COL20A1: variants seen among roughly 807,000 people sequenced by gnomAD.
COL20A1 encodes the protein collagen type XX alpha 1 chain, also known as collagen alpha-1(XX) chain.
In COL20A1, 164 loss-of-function variants were observed where a neutral mutation model predicts 152.9. That is an observed-to-expected ratio of 1.07 (90% CI 0.94 to 1.22). The LOEUF (loss-of-function observed/expected upper bound fraction) is 1.22, where lower values mean the gene tolerates loss of function less well. COL20A1 is among the 50% of genes most tolerant of loss of function. The pLI, the probability that COL20A1 is intolerant of heterozygous loss-of-function variation, is 0.00. For synonymous variants in COL20A1, 864 were observed against 756.0 expected (o/e 1.14, Z -2.34); for missense variants, 1,873 against 1,744.8 (o/e 1.07, Z -1.31).
At chr20:63,307,855 C>T in intron 6 of COL20A1, 116 bp from the exon 7 acceptor site, 1 of 1,342,156 alleles carries the variant, frequency 7.5e-7, no homozygotes, top group Non-Finnish European at 1.0e-6. Context: ...GGACTGGCTA[C>T]TGTGGCCAGG....
At chr20:63,318,540 G>A (rs537232691) in intron 21 of COL20A1, among the ~76,000 whole-genome samples, 113 of 152,280 alleles carry the variant, frequency 7.4e-4, no homozygotes, top group African/African-American at 2.6e-3. Flanking sequence ...GTGCCAATGA[G>A]TGTGAGTCGG....
At chr20:63,329,447 T>C in intron 34 of COL20A1, 138 bp from the exon 35 acceptor site, 1 of 671,030 alleles carries the variant, frequency 1.5e-6, no homozygotes, top group South Asian at 1.7e-5. Context: ...CTGCTGCCCC[T>C]AGATCTCAGA....
chr20:63,294,944 T>C, intron 1 of COL20A1, 154 bp from the exon 2 acceptor site: 1 of 584,008 alleles, frequency 1.7e-6, no homozygotes, highest in East Asian at 2.9e-5. Context: ...AGACAACAGG[T>C]TGCAGGCCTC....
intron 1 of COL20A1, 171 bp from the exon 2 acceptor site, chr20:63,294,927 A>G: frequency 1.8e-6 from 1 of 557,584 alleles, no homozygotes; most frequent in Middle Eastern, 2.9e-4. Context: ...GCTGGGAGGT[A>G]TCCCCTAGAC....
At chr20:63,302,658 G>C (rs964505176) in intron 3 of COL20A1, among the ~76,000 whole-genome samples, 2 of 152,164 alleles carry the variant, frequency 1.3e-5, no homozygotes, top group African/African-American at 2.4e-5. Context: ...GTCTGAATTG[G>C]GGTGTGAACA....
In COL20A1 at chr20:63,326,152, A is replaced by G. The variant is rs1390954226; in HGVS notation, c.3456+3A>G. 6 of 1,610,762 alleles carry G rather than the reference A, an allele frequency of 3.7e-6. No individual in the cohort carries two copies. Among genetic ancestry groups the G allele is most frequent in the Non-Finnish European group, 5.1e-6 (6 of 1,178,194 alleles). On this transcript the variant is annotated splice_donor_region_variant and intron_variant, in intron 30 of 35. Coordinates refer to ENST00000358894, the MANE Select transcript of COL20A1 (RefSeq NM_020882.4). ...TGCCTGGACCCCCTGGCCCCAGGGT[A>G]GGCACCGACCTCCCATGACCCCGAC...
rs747089798 is a variant in COL20A1 at position 63,295,095 on chromosome 20, C to G, written c.-10-3C>G. The G allele has an allele frequency of 1.2e-5, 19 of 1,543,070 alleles. No homozygotes were observed. Among genetic ancestry groups the G allele is most frequent in the Admixed American group, 2.0e-5 (1 of 50,076 alleles). ...GAAGGGCATGGCCTCTTCCCTGCCACAGCCCGAGCACCATGAGCTCCGGAG... is the reference window on the plus strand; with the variant it reads ...GAAGGGCATGGCCTCTTCCCTGCCAGAGCCCGAGCACCATGAGCTCCGGAG... On this transcript the variant is annotated splice_region_variant and splice_polypyrimidine_tract_variant and intron_variant, in intron 1 of 35. Transcript: ENST00000358894.
In COL20A1 at chr20:63,311,997, G is replaced by C; in HGVS notation, c.1745G>C (p.Arg582Thr). The C allele has an allele frequency of 6.2e-7, 1 of 1,606,718 alleles. No individual in the cohort carries two copies. Among genetic ancestry groups the C allele is most frequent in the Non-Finnish European group, 8.5e-7 (1 of 1,177,584 alleles). Residue 582 changes from arginine (R) to threonine (T), a missense_variant, in exon 14 of 36, where the codon AGG (arginine) becomes ACG (threonine). Coordinates refer to ENST00000358894, the MANE Select transcript of COL20A1 (RefSeq NM_020882.4). The surrounding 1 kb of genome is among the most constrained non-coding windows in gnomAD (Gnocchi z 4.4). The part of the protein sequence containing the change: ...AARVFWEGAP[R>T]PVRLVRVTYV... The stretch of plus-strand genomic sequence containing the variant: ...CGAGTGTTCTGGGAGGGTGCCCCGA[G>C]GCCTGTGCGCCTGGTCAGGGTCACC...
At chr20:63,312,169 C>A in intron 14 of COL20A1, 114 bp downstream of exon 14, 1 of 1,297,784 alleles carries the variant, frequency 7.7e-7, no homozygotes, top group Non-Finnish European at 1.0e-6. Context: ...ACAGCGGCCA[C>A]GAGGCACAGC....
intron 34 of COL20A1, among the ~76,000 whole-genome samples, chr20:63,328,864 T>C (rs1331339361): frequency 7.0e-6 from 1 of 142,680 alleles, no homozygotes; most frequent in Non-Finnish European, 1.5e-5. Flanking sequence ...CGCCCTCTTA[T>C]CCTCCTGGCT....
rs747414084 is a variant in COL20A1, at chr20:63,308,122, T to TGCCCC, written c.775+33_775+34insCCCCG. ...CCCAGGCCTGCCCCTCCCTCTGTCC[T>TGCCCC]GAGGGCGGACCTCCTTCTGCCGCCC... is the stretch of plus-strand genomic sequence containing the variant. On this transcript the variant is annotated intron_variant, in intron 7 of 35. Coordinates refer to ENST00000358894, the MANE Select transcript of COL20A1 (RefSeq NM_020882.4). 14 of 1,607,782 alleles carry TGCCCC rather than the reference T, an allele frequency of 8.7e-6. No individual in the cohort carries two copies. In the African/African-American group the frequency reaches 1.7e-4, roughly 20 times the overall value.
Position 63,307,641 on chromosome 20 carries a change from C to T in COL20A1, c.648C>T (p.Val216=). The T allele has an allele frequency of 1.2e-6, 2 of 1,612,176 alleles. No homozygotes were observed. The highest frequency in any genetic ancestry group is 2.2e-5 in the South Asian group (2 of 91,056). The change falls in exon 6 of 36, where the codon GTC becomes GTT. Residue 216 remains valine (V), a synonymous_variant. Transcript: ENST00000358894. ...CCTTTGAAATCGGGCCGGATAAGGTCCAAGTAGGTGGGTGCTGGCCCGGCC... is the reference window on the plus strand; with the variant it reads ...CCTTTGAAATCGGGCCGGATAAGGTTCAAGTAGGTGGGTGCTGGCCCGGCC... The part of the protein sequence containing the change: ...IAPFEIGPDK[V]QVGLTQYSGD...
intron 21 of COL20A1, among the ~76,000 whole-genome samples, chr20:63,318,644 C>A (rs80291285): frequency 0.044 from 6,698 of 152,218 alleles, 225 homozygotes; most frequent in South Asian, 0.082. Flanking sequence ...CCCTCACGGG[C>A]CCCGGGAGCA....
At chr20:63,308,379 C>T (rs1293039376) in intron 7 of COL20A1, among the ~76,000 whole-genome samples, 163 bp from the exon 8 acceptor site, 2 of 152,226 alleles carry the variant, frequency 1.3e-5, no homozygotes, top group Non-Finnish European at 2.9e-5. Context: ...GAACTTGGGG[C>T]CCTTCAACAG....
rs1396469864 is a variant in COL20A1, at chr20:63,308,018, T to C, written c.703T>C (p.Ser235Pro). The change falls in exon 7 of 36, where the codon TCC becomes CCC. Residue 235 changes from serine to proline, a missense_variant. Coordinates refer to ENST00000358894, the MANE Select transcript of COL20A1 (RefSeq NM_020882.4). The part of the protein sequence containing the change: ...GDAQTEWDLN[S>P]LSTKEQVLAA... ...TGCTCAGACTGAGTGGGACCTGAAC[T>C]CCCTCAGCACCAAGGAACAGGTGCT... 2 of 1,612,334 alleles carry C rather than the reference T, an allele frequency of 1.2e-6. No homozygotes were observed. Among genetic ancestry groups the C allele is most frequent in the Non-Finnish European group, 1.7e-6 (2 of 1,179,722 alleles).
At chr20:63,329,706 C>T (rs1244918137) in intron 35 of COL20A1, 45 bp downstream of exon 35, 3 of 1,403,714 alleles carry the variant, frequency 2.1e-6, no homozygotes, top group Admixed American at 2.2e-5. Flanking sequence ...CTGAGGGCAT[C>T]CAGGAAGGAG....
chr20:63,327,442 A>G (rs1296850172), intron 31 of COL20A1: 3 of 177,670 alleles, frequency 1.7e-5, no homozygotes, highest in South Asian at 1.2e-4. Context: ...GGCAGGCTCC[A>G]TGGAGGGTAG....
Position 63,313,448 on chromosome 20 carries a change from AG to A in COL20A1, c.2209+200del, listed in dbSNP as rs2068042892. ...GGTATAGGTGTTCCCCCAGTGGCCG[AG>A]TGCACAAACCACCTAGTGTCCCGCA... On this transcript the variant is annotated intron_variant, in intron 17 of 35. Coordinates refer to ENST00000358894, the MANE Select transcript of COL20A1 (RefSeq NM_020882.4). This position sits in a 1 kb window ranked among gnomAD's most constrained non-coding sequence, Gnocchi z 5.9. Among the ~76,000 whole-genome samples the A allele has an allele frequency of 6.6e-6, 1 of 152,146 alleles. No individual in the cohort carries two copies. Among genetic ancestry groups the A allele is most frequent in the Admixed American group, 6.5e-5 (1 of 15,270 alleles).
At chr20:63,309,614 G>T in intron 9 of COL20A1, 117 bp downstream of exon 9, 1 of 1,241,766 alleles carries the variant, frequency 8.1e-7, no homozygotes, top group South Asian at 1.6e-5. Context: ...GGCTCTGAGG[G>T]GGTCTGCAGC....
Sources: gnomAD v4.1 joint callset for allele counts (sites outside exome capture counted in the v4.1 genomes callset) on GRCh38, gnomAD v4.1.1 for gene constraint, Gnocchi (gnomAD v3.1) non-coding constraint, MANE v1.5 for transcripts, NCBI Gene and HGNC (gene_info 2026-07-23, HGNC 2026-07-21) for gene names.